KCND2: variants seen among roughly 807,000 people sequenced by gnomAD.
KCND2 encodes A-type voltage-gated potassium channel KCND2.
Under a neutral mutation model 54.4 loss-of-function variants are expected in KCND2, and 16 were observed. The ratio of observed to expected loss-of-function variants is 0.29; its 90% confidence interval spans 0.20 to 0.45. The LOEUF (loss-of-function observed/expected upper bound fraction) is 0.45. KCND2 is among the 20% of genes least tolerant of loss of function. The pLI, the probability that KCND2 is intolerant of heterozygous loss-of-function variation, is 1.00. For synonymous variants in KCND2, 317 were observed against 310.7 expected (o/e 1.02, Z -0.21); for missense variants, 486 against 824.2 (o/e 0.59, Z 5.02).
chr7:120,435,510 T>C (rs1421989388), intron 1 of KCND2, among the ~76,000 whole-genome samples: 1 of 151,810 alleles, frequency 6.6e-6, no homozygotes, highest in Non-Finnish European at 1.5e-5. Context: ...AGTAACCAGG[T>C]ACAGAATAAG....
At chr7:120,645,373 C>T (rs1793426841) in intron 1 of KCND2, among the ~76,000 whole-genome samples, 1 of 152,062 alleles carries the variant, frequency 6.6e-6, no homozygotes, top group South Asian at 2.1e-4. Flanking sequence ...GTTCTGTGGC[C>T]CATGACTAGT....
chr7:120,634,095 A>G (rs1189513471), intron 1 of KCND2, among the ~76,000 whole-genome samples: 1 of 152,200 alleles, frequency 6.6e-6, no homozygotes, highest in African/African-American at 2.4e-5. Context: ...CATTTTAGAC[A>G]GTGTGATATT....
chr7:120,451,249 C>T (rs984999097), intron 1 of KCND2, among the ~76,000 whole-genome samples: 8 of 152,130 alleles, frequency 5.3e-5, no homozygotes, highest in African/African-American at 7.2e-5. Context: ...AAAAGGTCAA[C>T]AGCTTGACTT....
chr7:120,691,702 AT>A (rs1271946872), intron 1 of KCND2, among the ~76,000 whole-genome samples: 2 of 152,156 alleles, frequency 1.3e-5, no homozygotes, highest in African/African-American at 2.4e-5. Context: ...GGAGGTACAC[AT>A]TTAGGCATCA....
intron 2 of KCND2, 33 bp downstream of exon 2, chr7:120,733,098 G>A (rs1792827964): frequency 6.2e-7 from 1 of 1,609,538 alleles, no homozygotes; most frequent in Admixed American, 1.7e-5. Context: ...CCATGGTTTA[G>A]CACTTCCCAC....
chr7:120,571,983 G>A (rs979136063), intron 1 of KCND2, among the ~76,000 whole-genome samples: 2 of 152,194 alleles, frequency 1.3e-5, no homozygotes, highest in African/African-American at 4.8e-5. Context: ...GACATGCCTA[G>A]CTTGCTAACT....
At chr7:120,382,898 C>T (rs1563028229) in intron 1 of KCND2, among the ~76,000 whole-genome samples, 2 of 151,788 alleles carry the variant, frequency 1.3e-5, no homozygotes, top group Admixed American at 6.6e-5. Flanking sequence ...TACTTCTGTT[C>T]AGAGTTCGAA....
Position 120,593,332 on chromosome 7 carries a change from G to T in KCND2, c.1116-139571G>T, listed in dbSNP as rs1562882373. Among the ~76,000 whole-genome samples the T allele has an allele frequency of 3.3e-5, 5 of 152,184 alleles. 1 individual carries two copies. The highest frequency in any genetic ancestry group is 3.3e-4 in the Admixed American group (5 of 15,270). ...AGAACAACCTCCTGATTGATTCACC[G>T]AACAGAATTGATTTCAAAATGCACA... On this transcript the variant is annotated intron_variant, in intron 1 of 5. Coordinates refer to ENST00000331113, the MANE Select transcript of KCND2 (RefSeq NM_012281.3).
intron 1 of KCND2, among the ~76,000 whole-genome samples, chr7:120,482,597 A>G (rs1802622214): frequency 1.3e-5 from 2 of 152,290 alleles, no homozygotes; most frequent in South Asian, 4.1e-4. Flanking sequence ...TGCTGTTATC[A>G]TGGGAGTGGG....
intron 1 of KCND2, among the ~76,000 whole-genome samples, chr7:120,280,216 A>C (rs1271201682): frequency 6.6e-6 from 1 of 152,068 alleles, no homozygotes; most frequent in African/African-American, 2.4e-5. Flanking sequence ...CTTTTAAAGA[A>C]ATGTAGAGAA....
intron 1 of KCND2, among the ~76,000 whole-genome samples, chr7:120,518,301 A>T (rs1803226118): frequency 6.6e-6 from 1 of 152,210 alleles, no homozygotes; most frequent in Admixed American, 6.5e-5. Flanking sequence ...ATATAGTGTT[A>T]AGTCACAATA....
At chr7:120,712,149 G>A (rs1051948950) in intron 1 of KCND2, among the ~76,000 whole-genome samples, 3 of 126,766 alleles carry the variant, frequency 2.4e-5, no homozygotes, top group Admixed American at 1.7e-4. Context: ...TTTTTTTGTC[G>A]TGGTACGTCT....
chr7:120,711,579 T>C (rs1792538753), intron 1 of KCND2, among the ~76,000 whole-genome samples: 1 of 152,184 alleles, frequency 6.6e-6, no homozygotes, highest in African/African-American at 2.4e-5. Context: ...CCCAGAGGGC[T>C]CCCTACATTG....
chr7:120,487,773 A>G (rs907004472), intron 1 of KCND2, among the ~76,000 whole-genome samples: 11 of 152,224 alleles, frequency 7.2e-5, no homozygotes, highest in African/African-American at 2.2e-4. Context: ...GTAAGGAAAT[A>G]TTGAAATTAC....
intron 1 of KCND2, among the ~76,000 whole-genome samples, chr7:120,396,532 T>G (rs1176557673): frequency 2.0e-5 from 3 of 152,030 alleles, no homozygotes; most frequent in Admixed American, 6.6e-5. Flanking sequence ...CTGACTTGAA[T>G]TTTTCACTGG....
At chr7:120,281,063 C>G (rs1799253575) in intron 1 of KCND2, among the ~76,000 whole-genome samples, 1 of 152,040 alleles carries the variant, frequency 6.6e-6, no homozygotes. Flanking sequence ...GCAAACTACT[C>G]AATGGTGAAT....
intron 1 of KCND2, among the ~76,000 whole-genome samples, chr7:120,324,636 T>A (rs1319389987): frequency 6.6e-6 from 1 of 150,400 alleles, no homozygotes; most frequent in Non-Finnish European, 1.5e-5. Flanking sequence ...TTCTGAGGGC[T>A]CTGTTCTGTT....
rs1800070239 is a variant in KCND2, at chr7:120,331,613, T to C, written c.1115+55866T>C. On this transcript the variant is annotated intron_variant, in intron 1 of 5. Transcript: ENST00000331113. ...CATATTAGCAGAAACGATGAGATGATTGATTTTGTTTGTGTTAGTTTTCAT... is the reference window on the plus strand; with the variant it reads ...CATATTAGCAGAAACGATGAGATGACTGATTTTGTTTGTGTTAGTTTTCAT... Among the ~76,000 whole-genome samples the C allele has an allele frequency of 2.0e-5, 3 of 152,036 alleles. No individual in the cohort carries two copies. The South Asian group carries it at 6.2e-4, about 31-fold the overall frequency.
chr7:120,357,448 C>T (rs1270998908), intron 1 of KCND2, among the ~76,000 whole-genome samples: 12 of 152,126 alleles, frequency 7.9e-5, no homozygotes, highest in Admixed American at 7.9e-4. Context: ...AGAATACTTT[C>T]GTCTATAAGA....
Sources: allele counts gnomAD v4.1 joint callset (sites outside exome capture counted in the v4.1 genomes callset), GRCh38; gene constraint gnomAD v4.1.1; transcripts MANE v1.5; gene names NCBI Gene and HGNC (gene_info 2026-07-23, HGNC 2026-07-21).